Variants in RPS6KA6 observed in about 807,000 individuals in gnomAD.
The protein encoded by RPS6KA6 is ribosomal protein S6 kinase A6.
RPS6KA6 carries 27 observed loss-of-function variants against 65.4 expected under a neutral mutation model. The ratio of observed to expected loss-of-function variants is 0.41; its 90% CI spans 0.30 to 0.57. RPS6KA6 has a LOEUF of 0.57. RPS6KA6 is among the 20% of genes least tolerant of loss of function. The probability of loss-of-function intolerance (pLI) is 0.24; values close to 1 mark genes in which losing one functional copy is unlikely to be tolerated. For synonymous variants in RPS6KA6, 190 were observed against 184.2 expected (o/e 1.03, Z -0.26); for missense variants, 486 against 555.6 (o/e 0.87, Z 1.26).
intron 2 of RPS6KA6, among the ~76,000 whole-genome samples, chrX:84,160,215 C>T (rs766758373): frequency 1.4e-4 from 16 of 111,037 alleles, no homozygotes; most frequent in Admixed American, 1.2e-3. Context: ...TATTTTTTTG[C>T]GACCATAAAG....
chrX:84,112,843 C>T (rs186254685), intron 12 of RPS6KA6, among the ~76,000 whole-genome samples: 7 of 110,730 alleles, frequency 6.3e-5, no homozygotes, highest in African/African-American at 2.0e-4. Flanking sequence ...AATGAGATTG[C>T]GACCAAAAAA....
chrX:84,154,398 A>G (rs2035379613), intron 3 of RPS6KA6, among the ~76,000 whole-genome samples: 1 of 111,595 alleles, frequency 9.0e-6, no homozygotes, highest in Non-Finnish European at 1.9e-5. Context: ...TACATACATC[A>G]AAAGACAAAG....
chrX:84,149,469 T>TTATTTTG (rs1444199911), intron 3 of RPS6KA6, among the ~76,000 whole-genome samples: 3 of 112,238 alleles, frequency 2.7e-5, no homozygotes, highest in African/African-American at 9.7e-5. Context: ...ATTTCTTAAA[T>TTATTTTG]AATAGGGCTT....
At chrX:84,150,806 G>A (rs1464839294) in intron 3 of RPS6KA6, among the ~76,000 whole-genome samples, 2 of 98,898 alleles carry the variant, frequency 2.0e-5, no homozygotes, top group Non-Finnish European at 4.0e-5. Flanking sequence ...TATATAGAGA[G>A]GATATATATA....
intron 8 of RPS6KA6, among the ~76,000 whole-genome samples, chrX:84,133,439 C>A (rs2034938635): frequency 9.0e-6 from 1 of 111,385 alleles, no homozygotes; most frequent in Admixed American, 9.6e-5. Context: ...CTGTTACATG[C>A]TTTGTGTCCC....
intron 20 of RPS6KA6, among the ~76,000 whole-genome samples, chrX:84,090,570 T>C (rs1434801036): frequency 1.8e-5 from 2 of 111,714 alleles, no homozygotes; most frequent in Non-Finnish European, 3.8e-5. Context: ...CTCAGGAAAC[T>C]TACAATCACG....
chrX:84,103,225 C>T (rs1026086118), intron 17 of RPS6KA6, among the ~76,000 whole-genome samples: 11 of 110,726 alleles, frequency 9.9e-5, no homozygotes, highest in Non-Finnish European at 2.1e-4. Context: ...CAAGATGAAC[C>T]ATGCTAAAAC....
intron 20 of RPS6KA6, among the ~76,000 whole-genome samples, chrX:84,085,981 GTTTTT>G (rs1488022321): frequency 4.5e-5 from 5 of 111,653 alleles, no homozygotes; most frequent in Admixed American, 1.9e-4. Flanking sequence ...TCTGGTGGTT[GTTTTT>G]ATTTTTGTGG....
At chrX:84,177,954 A>G (rs6622947) in intron 1 of RPS6KA6, among the ~76,000 whole-genome samples, 1 of 110,419 alleles carries the variant, frequency 9.1e-6, no homozygotes. Flanking sequence ...ACCACCACAC[A>G]CAGCTAATTT....
chrX:84,144,309 T>C (rs1602455170), intron 6 of RPS6KA6, among the ~76,000 whole-genome samples: 1 of 109,819 alleles, frequency 9.1e-6, no homozygotes, highest in Admixed American at 9.7e-5. Context: ...CCAAAATATA[T>C]GAAGAACTCT....
Position 84,104,644 on chromosome X carries a change from C to A in RPS6KA6, c.1469G>T (p.Gly490Val). The A allele has an allele frequency of 8.8e-7, 1 of 1,132,026 alleles. No homozygotes were observed. The highest frequency in any genetic ancestry group is 1.2e-6 in the Non-Finnish European group (1 of 850,427). The allele number at this position is 1,132,026 out of a possible 1,213,427, so 93.3% of individuals were successfully genotyped here. The stretch of plus-strand genomic sequence containing the variant: ...ATCCGTAACAAGGTAAACATATCTA[C>A]CATCATCAAAGACCTACAAAAGAAC... The part of the protein sequence containing the change: ...IITLKDVFDD[G>V]RYVYLVTDLM... The change falls in exon 17 of 22, where the codon GGT becomes GTT. Residue 490 changes from glycine to valine, a missense_variant. Transcript: ENST00000262752.
intron 6 of RPS6KA6, among the ~76,000 whole-genome samples, chrX:84,143,650 A>T (rs1357912470): frequency 9.0e-6 from 1 of 111,551 alleles, no homozygotes; most frequent in Non-Finnish European, 1.9e-5. Flanking sequence ...TCCAACCAAT[A>T]TCCCAGCAGG....
chrX:84,151,085 G>GAT (rs1401583417), intron 3 of RPS6KA6, among the ~76,000 whole-genome samples: 2 of 96,618 alleles, frequency 2.1e-5, no homozygotes, highest in African/African-American at 7.6e-5. Context: ...ATAGAGGATA[G>GAT]ATATATAGAG....
intron 1 of RPS6KA6, chrX:84,187,401 G>T: frequency 7.7e-6 from 1 of 129,791 alleles, no homozygotes. Flanking sequence ...TAAAGCGTCC[G>T]GGGTTCAACA....
chrX:84,116,956 C>T (rs2034579978), intron 11 of RPS6KA6, 104 bp downstream of exon 11: 4 of 480,053 alleles, frequency 8.3e-6, no homozygotes, highest in South Asian at 1.1e-4. Context: ...AAAAATTCTA[C>T]GTATAGAAGT....
At chrX:84,174,723 C>T (rs2035738584) in intron 1 of RPS6KA6, among the ~76,000 whole-genome samples, 1 of 111,624 alleles carries the variant, frequency 9.0e-6, no homozygotes, top group South Asian at 3.8e-4. Flanking sequence ...CCTATGAAGA[C>T]TTCTATCAGT....
At position 84,134,819 on chromosome X, in the gene RPS6KA6, G is replaced by T; in HGVS notation, c.609C>A (p.Asn203Lys). The change falls in exon 8 of 22, where the codon AAC (asparagine) becomes AAA (lysine). Residue 203 changes from asparagine (N) to lysine (K), a missense_variant and splice_region_variant. Around this residue, in one of 3 missense-constraint regions of RPS6KA6, gnomAD observed 35 missense variants for 75.5 expected, o/e 0.46. Coordinates refer to ENST00000262752, the MANE Select transcript of RPS6KA6 (RefSeq NM_014496.5). ...GIVYRDLKPENILLDEIGHIK... is the reference protein window; with the variant it reads ...GIVYRDLKPEKILLDEIGHIK... ...TATGTCCTATTTCATCAAGCAAAAT[G>T]CTGTAAATCAAAATTCACATTCAAC... 8.9e-7 allele frequency: 1 copy of T among 1,120,690 alleles called. No homozygotes were observed. The highest frequency in any genetic ancestry group is 1.2e-6 in the Non-Finnish European group (1 of 834,547). 92.4% of individuals were successfully genotyped at this position (1,120,690 alleles called of 1,213,427 possible).
chrX:84,164,453 T>C (rs2035566899), intron 1 of RPS6KA6, 66 bp from the exon 2 acceptor site: 1 of 772,566 alleles, frequency 1.3e-6, no homozygotes, highest in Non-Finnish European at 2.0e-6. Context: ...CTAAGAAAAA[T>C]ATAACCCTAG....
intron 3 of RPS6KA6, among the ~76,000 whole-genome samples, chrX:84,152,406 C>T (rs2035343379): frequency 9.0e-6 from 1 of 110,642 alleles, no homozygotes; most frequent in Non-Finnish European, 1.9e-5. Context: ...TGAAACTCTC[C>T]CTCCTCCTTC....
Sources: gnomAD v4.1 joint callset for allele counts (sites outside exome capture counted in the v4.1 genomes callset) on GRCh38, gnomAD v4.1.1 for gene constraint, gnomAD v4.1.1 regional missense constraint, MANE v1.5 for transcripts, NCBI Gene and HGNC (gene_info 2026-07-23, HGNC 2026-07-21) for gene names.